SYNPO: variants seen among roughly 807,000 people sequenced by gnomAD.
SYNPO encodes the protein synaptopodin.
A neutral mutation model predicts 49.5 loss-of-function variants in SYNPO; 19 were observed. The observed-to-expected ratio is 0.38, with a 90% CI of 0.27 to 0.56. The LOEUF (loss-of-function observed/expected upper bound fraction) is 0.56, where lower values mean the gene tolerates loss of function less well. SYNPO is among the 20% of genes least tolerant of loss of function. SYNPO has a pLI of 0.68. For missense variants in SYNPO, 1,131 were observed against 1,248.3 expected, an observed-to-expected ratio of 0.91 and a Z score of 1.42; for synonymous variants, 536 against 548.0, an observed-to-expected ratio of 0.98 and a Z score of 0.31.
intron 1 of SYNPO, among the ~76,000 whole-genome samples, chr5:150,608,829 G>T (rs79011012): frequency 0.069 from 10,477 of 152,246 alleles, 712 homozygotes; most frequent in East Asian, 0.22. Flanking sequence ...TTCTGATGAG[G>T]TGGACAAGTT....
At chr5:150,595,808 C>T in the SYNPO span, among the ~76,000 whole-genome samples, 1 of 139,164 alleles carries the variant, frequency 7.2e-6, no homozygotes, top group Non-Finnish European at 1.6e-5. Context: ...CCAGCCCACT[C>T]CCCCCTCATT....
chr5:150,587,042 A>T, the SYNPO span, among the ~76,000 whole-genome samples: 1 of 151,736 alleles, frequency 6.6e-6, no homozygotes, highest in Non-Finnish European at 1.5e-5. Flanking sequence ...GTGGATGCAT[A>T]TATGTATATG....
chr5:150,647,431 G>C (rs1402447669), intron 1 of SYNPO, among the ~76,000 whole-genome samples: 1 of 152,240 alleles, frequency 6.6e-6, no homozygotes, highest in Non-Finnish European at 1.5e-5. Flanking sequence ...GCTGAGACTT[G>C]AGTGGCAAGA....
At chr5:150,598,429 G>T (rs772798131), upstream of SYNPO, among the ~76,000 whole-genome samples, 2 of 152,194 alleles carry the variant, frequency 1.3e-5, no homozygotes, top group African/African-American at 4.8e-5. Flanking sequence ...TTAAATACCC[G>T]CACTGCCACG....
chr5:150,656,537 C>T lies in SYNPO; in HGVS notation c.2162C>T (p.Pro721Leu). 2.0e-6 allele frequency: 3 copies of T among 1,527,972 alleles called. No individual in the cohort carries two copies. Among genetic ancestry groups the T allele is most frequent in the East Asian group, 2.5e-5 (1 of 40,048 alleles). The allele number at this position is 1,527,972 out of a possible 1,614,324, so 94.7% of individuals were successfully genotyped here. Residue 721 changes from proline to leucine, a missense_variant, in exon 3 of 3, where the codon CCG (proline) becomes CTG (leucine). Physicochemically the swap from Pro to Leu is moderately conservative, Grantham distance 98 (BLOSUM62 -3). This residue lies in a region of SYNPO where 509 missense variants were observed against 484.5 expected (regional missense o/e 1.05). Transcript: ENST00000307662. The stretch of plus-strand genomic sequence containing the variant: ...GGGAGCAGCATGAGCAGCCCCCCGC[C>T]GCTGCCGCCGCCACCGCCCATGTCT... ...GRGSSMSSPP[P>L]LPPPPPMSPS...
rs889834799 is a variant in SYNPO, at chr5:150,656,884, A to G, written c.2509A>G (p.Ser837Gly). ...PLPAGPSSCT[S>G]PRSPLPAPPR... ...GCCCGCCGGTCCTTCGTCCTGCACC[A>G]GTCCCCGGAGCCCGCTGCCCGCGCC... Residue 837 changes from serine to glycine, a missense_variant, in exon 3 of 3, where the codon AGT becomes GGT. Ser to Gly is a moderately conservative substitution (Grantham distance 56, BLOSUM62 0). Coordinates refer to ENST00000307662, the MANE Select transcript of SYNPO (RefSeq NM_007286.6). 4 of 1,575,064 alleles carry G rather than the reference A, an allele frequency of 2.5e-6. No individual in the cohort carries two copies. Among genetic ancestry groups the G allele is most frequent in the East Asian group, 2.4e-5 (1 of 42,204 alleles).
At chr5:150,645,921 A>G (rs978542144) in intron 1 of SYNPO, among the ~76,000 whole-genome samples, 4 of 152,368 alleles carry the variant, frequency 2.6e-5, no homozygotes, top group Non-Finnish European at 5.9e-5. Context: ...GTGAATTTTA[A>G]AATGAGTATT....
chr5:150,633,233 G>A (rs1055448939), intron 2 of SYNPO, among the ~76,000 whole-genome samples: 2 of 152,224 alleles, frequency 1.3e-5, no homozygotes, highest in African/African-American at 4.8e-5. Context: ...TTGCCTGTGT[G>A]AGAGCTGATC....
chr5:150,652,559 G>A (rs942879654), intron 2 of SYNPO: 3 of 300,570 alleles, frequency 1.0e-5, no homozygotes, highest in Non-Finnish European at 1.5e-5. Context: ...CACTCAGGGA[G>A]CCAGAACCCT....
At chr5:150,596,450 G>A (rs545854811), upstream of SYNPO, among the ~76,000 whole-genome samples, 3 of 152,212 alleles carry the variant, frequency 2.0e-5, no homozygotes, top group East Asian at 5.8e-4. Context: ...GACGACGTTC[G>A]ATCCCAGGCC....
Position 150,650,215 on chromosome 5 carries a change from C to A in SYNPO, c.1940C>A (p.Pro647His). ...VSPPYGGDIS[P>H]VSPSRAWSPR... Reference sequence around the variant, plus strand: ...CCTCCTTACGGCGGTGACATCTCCCCCGTGTCTCCCTCCAGGGCGTGGTCT... The same window carrying A: ...CCTCCTTACGGCGGTGACATCTCCCACGTGTCTCCCTCCAGGGCGTGGTCT... Residue 647 changes from proline (P) to histidine (H), a missense_variant, in exon 2 of 3, where the codon CCC becomes CAC. This residue lies in a region of SYNPO where 509 missense variants were observed against 484.5 expected (regional missense o/e 1.05). Coordinates refer to ENST00000307662, the MANE Select transcript of SYNPO (RefSeq NM_007286.6). 1 of 1,613,946 alleles carries A rather than the reference C, an allele frequency of 6.2e-7. No individual in the cohort carries two copies. The highest frequency in any genetic ancestry group is 8.5e-7 in the Non-Finnish European group (1 of 1,180,040).
chr5:150,656,751 G>GC lies in SYNPO; in HGVS notation c.2381dup (p.Pro795AlafsTer76). On this transcript the variant is annotated frameshift_variant, in exon 3 of 3. Transcript: ENST00000307662. LOFTEE classifies it low-confidence loss of function (END_TRUNC). ...CCCCGCCGAGGGCGCCACCGCCCCC[G>GC]CCCCCGCCCCCGCCCCCGCCCCCGC... 104 of 441,122 alleles carry GC rather than the reference G, an allele frequency of 2.4e-4. No individual in the cohort carries two copies. Among genetic ancestry groups the GC allele is most frequent in the South Asian group, 3.2e-4 (3 of 9,484 alleles). The allele number at this position is 441,122 out of a possible 1,614,324, so 27.3% of individuals were successfully genotyped here.
At chr5:150,592,369 C>T in the SYNPO span, among the ~76,000 whole-genome samples, 1 of 152,132 alleles carries the variant, frequency 6.6e-6, no homozygotes, top group African/African-American at 2.4e-5. Context: ...CTGAATCTGG[C>T]AACCCCACCC....
intron 2 of SYNPO, chr5:150,651,017 G>A (rs1290553711): frequency 1.6e-6 from 2 of 1,225,578 alleles, no homozygotes; most frequent in East Asian, 6.7e-5. Context: ...CTGAGGCCTG[G>A]CTCTGTTTTA....
In SYNPO at chr5:150,621,379, G is replaced by A. The variant is rs578233980; in HGVS notation, c.400+2612G>A. On this transcript the variant is annotated intron_variant, in intron 2 of 2. Transcript: ENST00000394243. Reference sequence around the variant, plus strand: ...GCAGGGAAGACTTCTTGGAGATGGAGGCAGGAAGGAAGCTGGGTCTTGCAG... The same window carrying A: ...GCAGGGAAGACTTCTTGGAGATGGAAGCAGGAAGGAAGCTGGGTCTTGCAG... Among the ~76,000 whole-genome samples the A allele has an allele frequency of 2.6e-5, 4 of 152,294 alleles. No homozygotes were observed. In the South Asian group the frequency reaches 8.3e-4, roughly 32 times the overall value.
intron 2 of SYNPO, among the ~76,000 whole-genome samples, chr5:150,633,062 G>T (rs1757594762): frequency 6.6e-6 from 1 of 152,148 alleles, no homozygotes. Context: ...AGCTGCTTTG[G>T]CCATATCATT....
intron 1 of SYNPO, among the ~76,000 whole-genome samples, chr5:150,613,082 T>C (rs1477603680): frequency 3.3e-5 from 5 of 152,214 alleles, no homozygotes. Flanking sequence ...CCTGGCCTGT[T>C]GCTTTATGTG....
chr5:150,597,210 C>T (rs951115560), upstream of SYNPO, among the ~76,000 whole-genome samples: 2 of 152,180 alleles, frequency 1.3e-5, no homozygotes, highest in Admixed American at 6.5e-5. Flanking sequence ...TTGCACCTCT[C>T]GGCTGTGTCC....
In SYNPO at chr5:150,649,862, C is replaced by T; in HGVS notation, c.1587C>T (p.Phe529=). 1 of 1,609,102 alleles carries T rather than the reference C, an allele frequency of 6.2e-7. No homozygotes were observed. The highest frequency in any genetic ancestry group is 1.1e-5 in the South Asian group (1 of 91,080). Residue 529 remains phenylalanine (F), a synonymous_variant, in exon 2 of 3, where the codon TTC becomes TTT. Transcript: ENST00000307662. ...ACCCCACTAACGCCCCCGGGGCCTT[C>T]CGAGTGGCATCCCGAAGCCCAGCCC... ...WKYPTNAPGA[F]RVASRSPART...
Sources: gnomAD v4.1 joint callset for allele counts (sites outside exome capture counted in the v4.1 genomes callset) on GRCh38, gnomAD v4.1.1 for gene constraint, gnomAD v4.1.1 regional missense constraint, MANE v1.5 for transcripts, NCBI Gene and HGNC (gene_info 2026-07-23, HGNC 2026-07-21) for gene names.